The following LRRC4C variants were observed in gnomAD, a reference collection of about 807,000 sequenced individuals.
The protein encoded by LRRC4C is leucine rich repeat containing 4C, also known as leucine-rich repeat-containing protein 4C.
In LRRC4C, 5 loss-of-function variants were observed where a neutral mutation model predicts 33.6. That is an observed-to-expected ratio of 0.15 (90% CI 0.08 to 0.31). The LOEUF (loss-of-function observed/expected upper bound fraction) is 0.31, where lower values mean the gene tolerates loss of function less well. Among genes scored for constraint, LRRC4C ranks in the 10% least tolerant of loss-of-function variants. LRRC4C has a pLI of 1.00. For missense variants in LRRC4C, 560 were observed against 796.7 expected (o/e 0.70, Z 3.58); for synonymous variants, 329 against 302.0 (o/e 1.09, Z -0.93).
At chr11:40,783,793 T>C (rs987614384) in intron 2 of LRRC4C, among the ~76,000 whole-genome samples, 4 of 152,184 alleles carry the variant, frequency 2.6e-5, no homozygotes, top group African/African-American at 9.6e-5. Flanking sequence ...TGAGAAAATG[T>C]ATTTGAGTAA....
At chr11:41,036,657 T>A (rs2047023) in intron 1 of LRRC4C, among the ~76,000 whole-genome samples, 79,169 of 151,560 alleles carry the variant, frequency 0.52, 21,218 homozygotes, top group East Asian at 0.65. Context: ...GAAGCATTTT[T>A]TAAACAGGTA....
intron 3 of LRRC4C, among the ~76,000 whole-genome samples, chr11:40,347,772 C>A (rs1947201682): frequency 6.6e-6 from 1 of 152,098 alleles, no homozygotes; most frequent in South Asian, 2.1e-4. Flanking sequence ...CCACACCTGG[C>A]TAATTTTACA....
chr11:40,798,047 C>T (rs913760155), intron 2 of LRRC4C, among the ~76,000 whole-genome samples: 1 of 152,164 alleles, frequency 6.6e-6, no homozygotes, highest in African/African-American at 2.4e-5. Flanking sequence ...GGTCTATAAT[C>T]TGTACTGGCA....
intron 1 of LRRC4C, among the ~76,000 whole-genome samples, chr11:41,453,213 A>C (rs542921638): frequency 2.5e-4 from 38 of 152,254 alleles, no homozygotes; most frequent in Non-Finnish European, 4.9e-4. Context: ...GTGTCCTGTA[A>C]CTGCAGTACA....
chr11:40,674,395 G>C (rs965808170), intron 2 of LRRC4C, among the ~76,000 whole-genome samples: 12 of 152,110 alleles, frequency 7.9e-5, no homozygotes, highest in African/African-American at 2.9e-4. Flanking sequence ...AAGTAGAAGA[G>C]AGCAATAAAA....
chr11:41,204,816 CT>C (rs1307657888), intron 1 of LRRC4C, among the ~76,000 whole-genome samples: 1 of 151,926 alleles, frequency 6.6e-6, no homozygotes. Context: ...AATATTGTAC[CT>C]TCAAAATGTC....
chr11:40,612,540 T>C (rs1961336400), intron 3 of LRRC4C, among the ~76,000 whole-genome samples: 1 of 151,986 alleles, frequency 6.6e-6, no homozygotes, highest in Non-Finnish European at 1.5e-5. Context: ...TTATGCTATA[T>C]GTTTTTACCA....
intron 1 of LRRC4C, among the ~76,000 whole-genome samples, chr11:41,214,483 G>C (rs1002819417): frequency 1.3e-5 from 2 of 149,124 alleles, no homozygotes; most frequent in Non-Finnish European, 3.0e-5. Context: ...TGTAATCCTA[G>C]CATTTTGGGA....
chr11:40,916,310 A>G (rs1244626609), intron 2 of LRRC4C, among the ~76,000 whole-genome samples: 2 of 152,226 alleles, frequency 1.3e-5, no homozygotes, highest in Non-Finnish European at 2.9e-5. Context: ...ATATCCAACA[A>G]TGATAGACTG....
At chr11:41,355,681 C>T (rs1479156742) in intron 1 of LRRC4C, among the ~76,000 whole-genome samples, 1 of 151,992 alleles carries the variant, frequency 6.6e-6, no homozygotes, top group Non-Finnish European at 1.5e-5. Context: ...CTAAATATCA[C>T]ATACGGTATT....
At chr11:41,405,787 T>G (rs945980092) in intron 1 of LRRC4C, among the ~76,000 whole-genome samples, 1 of 152,124 alleles carries the variant, frequency 6.6e-6, no homozygotes, top group Non-Finnish European at 1.5e-5. Flanking sequence ...TTTAAGTTAT[T>G]GTATTCATTT....
intron 5 of LRRC4C, among the ~76,000 whole-genome samples, chr11:40,180,839 T>C (rs998159792): frequency 9.9e-5 from 15 of 152,214 alleles, no homozygotes; most frequent in Admixed American, 7.9e-4. Flanking sequence ...TGATATGCTA[T>C]ATTTTTTGTT....
At chr11:40,225,240 T>C (rs1864700367) in intron 5 of LRRC4C, among the ~76,000 whole-genome samples, 1 of 152,164 alleles carries the variant, frequency 6.6e-6, no homozygotes, top group South Asian at 2.1e-4. Flanking sequence ...AATTCAAAAA[T>C]CAAAGACAGG....
chr11:40,501,541 C>A (rs1954771907), intron 3 of LRRC4C, among the ~76,000 whole-genome samples: 1 of 152,186 alleles, frequency 6.6e-6, no homozygotes, highest in Non-Finnish European at 1.5e-5. Flanking sequence ...GGCTCAACAC[C>A]ACATGAAAGC....
chr11:40,822,884 G>A (rs1272600155), intron 2 of LRRC4C, among the ~76,000 whole-genome samples: 1 of 151,470 alleles, frequency 6.6e-6, no homozygotes, highest in African/African-American at 2.4e-5. Context: ...AATTTTTCCT[G>A]TATATAGATC....
intron 3 of LRRC4C, among the ~76,000 whole-genome samples, chr11:40,454,030 G>A (rs1287617261): frequency 1.3e-5 from 2 of 152,146 alleles, no homozygotes; most frequent in Non-Finnish European, 2.9e-5. Context: ...ATCTGTCAAT[G>A]AGCAGTGCTA....
intron 2 of LRRC4C, among the ~76,000 whole-genome samples, chr11:40,695,575 G>T (rs1328736652): frequency 6.6e-6 from 1 of 152,154 alleles, no homozygotes; most frequent in Non-Finnish European, 1.5e-5. Flanking sequence ...GAGGTCAGAA[G>T]TCTGAACTGG....
intron 1 of LRRC4C, among the ~76,000 whole-genome samples, chr11:41,063,281 G>C (rs1937933190): frequency 6.6e-6 from 1 of 152,102 alleles, no homozygotes; most frequent in African/African-American, 2.4e-5. Context: ...TCTGTGATAG[G>C]GATGTAATAG....
intron 1 of LRRC4C, among the ~76,000 whole-genome samples, chr11:41,417,450 T>C (rs1377341215): frequency 4.6e-5 from 7 of 152,058 alleles, no homozygotes; most frequent in African/African-American, 1.4e-4. Context: ...CGTGACAATG[T>C]ATCCCATGCC....
Sources: allele counts gnomAD v4.1 joint callset (sites outside exome capture counted in the v4.1 genomes callset), GRCh38; gene constraint gnomAD v4.1.1; transcripts MANE v1.5; gene names NCBI Gene and HGNC (gene_info 2026-07-23, HGNC 2026-07-21).